OGT: variants seen among roughly 807,000 people sequenced by gnomAD.
The protein encoded by OGT is O-linked N-acetylglucosamine (GlcNAc) transferase, also known as UDP-N-acetylglucosamine--peptide N-acetylglucosaminyltransferase 110 kDa subunit.
A neutral mutation model predicts 75.8 loss-of-function variants in OGT; 3 were observed. The observed-to-expected ratio is 0.04, with a 90% CI of 0.02 to 0.10. The LOEUF (loss-of-function observed/expected upper bound fraction) is 0.10, where lower values mean the gene tolerates loss of function less well. Ranked by LOEUF, OGT falls within the 10% of genes least tolerant of loss-of-function variation. OGT has a pLI of 1.00. For missense variants in OGT, 260 were observed against 824.4 expected (o/e 0.32, Z 8.38); for synonymous variants, 257 against 289.7 (o/e 0.89, Z 1.15).
chrX:71,562,705 G>A (rs922336070), intron 15 of OGT, 142 bp from the exon 16 acceptor site: 2 of 479,411 alleles, frequency 4.2e-6, no homozygotes, highest in African/African-American at 4.9e-5. Flanking sequence ...GGCACCTTTA[G>A]GTTCTTTTTT....
chrX:71,549,206 G>A (rs1453958227), intron 5 of OGT, among the ~76,000 whole-genome samples: 1 of 104,309 alleles, frequency 9.6e-6, no homozygotes, highest in Non-Finnish European at 2.0e-5. Context: ...TGAGGTGGGA[G>A]GATTGCTTGG....
intron 21 of OGT, among the ~76,000 whole-genome samples, chrX:71,572,639 T>C (rs985368044): frequency 8.1e-5 from 9 of 111,481 alleles, no homozygotes; most frequent in Non-Finnish European, 1.5e-4. Context: ...TGGTGATGCG[T>C]GCCTGTAGTC....
At chrX:71,569,578 C>T (rs865790874) in intron 21 of OGT, among the ~76,000 whole-genome samples, 1 of 110,418 alleles carries the variant, frequency 9.1e-6, no homozygotes, top group Non-Finnish European at 1.9e-5. Flanking sequence ...GCAGCCTCCA[C>T]GTCCTGGGCT....
chrX:71,564,671 G>A lies in OGT; in HGVS notation c.2507G>A (p.Gly836Glu). 8.3e-7 allele frequency: 1 copy of A among 1,197,996 alleles called. No homozygotes were observed. Among genetic ancestry groups the A allele is most frequent in the Non-Finnish European group, 1.1e-6 (1 of 883,413 alleles). ...ATTGTAACCACCCGTTCTCAGTACG[G>A]GTTACCAGAAGATGCCATCGTATAC... ...TIIVTTRSQYGLPEDAIVYCN... is the reference protein window; with the variant it reads ...TIIVTTRSQYELPEDAIVYCN... Residue 836 changes from glycine (G) to glutamate (E), a missense_variant, in exon 19 of 22, where the codon GGG (glycine) becomes GAG (glutamate). Transcript: ENST00000373719.
chrX:71,549,047 G>A (rs992972412), intron 5 of OGT, among the ~76,000 whole-genome samples: 4 of 110,295 alleles, frequency 3.6e-5, no homozygotes, highest in African/African-American at 1.3e-4. Context: ...GCTCACATCT[G>A]TGATCCCAGT....
chrX:71,575,338 T>A lies in OGT; in HGVS notation c.*1544T>A, dbSNP rs1276017338. The A allele has an allele frequency of 1.8e-5, 2 of 112,555 alleles. No individual in the cohort carries two copies. The highest frequency in any genetic ancestry group is 3.8e-5 in the Non-Finnish European group (2 of 53,287). The allele number at this position is 112,555 out of a possible 1,213,427, so 9.3% of individuals were successfully genotyped here. On this transcript the variant is annotated 3_prime_UTR_variant, in exon 22 of 22. Transcript: ENST00000373719. The stretch of plus-strand genomic sequence containing the variant: ...ATTGATTAATAAGAACTTGAATTTC[T>A]GGAAGATTCTTACTGTTAACCAAAT...
chrX:71,539,258 A>G (rs1192596555), intron 3 of OGT, among the ~76,000 whole-genome samples: 2 of 113,035 alleles, frequency 1.8e-5, no homozygotes, highest in East Asian at 2.7e-4. Flanking sequence ...AGTTTGTTCA[A>G]AGATCCGAAG....
In OGT at chrX:71,536,170, TTC is replaced by T; in HGVS notation, c.38-5_38-4del. The T allele has an allele frequency of 8.5e-7, 1 of 1,181,318 alleles. No individual in the cohort carries two copies. Among genetic ancestry groups the T allele is most frequent in the Non-Finnish European group, 1.1e-6 (1 of 880,332 alleles). On this transcript the variant is annotated splice_polypyrimidine_tract_variant and splice_region_variant and intron_variant, in intron 1 of 21. Coordinates refer to ENST00000373719, the MANE Select transcript of OGT (RefSeq NM_181672.3). ...CTCCTTCCCTCAAATGTTTTGATGA[TTC>T]TCCAGAACCAACGAAACGTATGCTT...
intron 5 of OGT, among the ~76,000 whole-genome samples, chrX:71,550,997 G>A (rs997889208): frequency 9.0e-6 from 1 of 111,281 alleles, no homozygotes; most frequent in Admixed American, 9.6e-5. Flanking sequence ...GGTGACCACA[G>A]TTGTTAATAA....
At chrX:71,536,139 TCCCCCCTCC>T in intron 1 of OGT, 30 bp from the exon 2 acceptor site, 1 of 1,127,364 alleles carries the variant, frequency 8.9e-7, no homozygotes, top group Non-Finnish European at 1.2e-6. Flanking sequence ...CTTTTTGTTT[TCCCCCCTCC>T]TTCCCTCAAA....
chrX:71,534,884 G>GC (rs2040164144), intron 1 of OGT, among the ~76,000 whole-genome samples: 1 of 111,853 alleles, frequency 8.9e-6, no homozygotes, highest in Admixed American at 9.5e-5. Context: ...AGATGTGGAT[G>GC]CAAGTCTCAA....
intron 3 of OGT, 149 bp from the exon 4 acceptor site, chrX:71,544,418 G>C (rs2040245660): frequency 6.1e-6 from 3 of 488,373 alleles, no homozygotes. Flanking sequence ...TTGTGGATGA[G>C]GGGTTGTGGT....
intron 21 of OGT, among the ~76,000 whole-genome samples, chrX:71,571,858 C>T (rs901604718): frequency 2.7e-5 from 3 of 109,998 alleles, no homozygotes; most frequent in African/African-American, 9.9e-5. Flanking sequence ...CAGCCTCTGC[C>T]TCCTGGGTTC....
At chrX:71,550,449 T>C (rs983568838) in intron 5 of OGT, among the ~76,000 whole-genome samples, 3 of 111,415 alleles carry the variant, frequency 2.7e-5, no homozygotes, top group Admixed American at 1.9e-4. Context: ...AGTGGCGCCA[T>C]AATAGCTCAC....
intron 19 of OGT, among the ~76,000 whole-genome samples, chrX:71,567,110 G>T (rs1420453648): frequency 2.7e-5 from 3 of 112,542 alleles, no homozygotes; most frequent in Non-Finnish European, 5.6e-5. Flanking sequence ...TTGCTATCTG[G>T]CCCTTTACAG....
At chrX:71,569,705 A>G (rs1350723107) in intron 21 of OGT, among the ~76,000 whole-genome samples, 1 of 109,095 alleles carries the variant, frequency 9.2e-6, no homozygotes, top group Non-Finnish European at 1.9e-5. Context: ...TTAAGTTTCA[A>G]TATGTTGCCC....
At chrX:71,559,766 T>A in intron 14 of OGT, 89 bp downstream of exon 14, 1 of 672,055 alleles carries the variant, frequency 1.5e-6, no homozygotes, top group Non-Finnish European at 2.3e-6. Flanking sequence ...TGATAAGTAT[T>A]AAATGCTGTA....
At chrX:71,539,798 C>T (rs766986977) in intron 3 of OGT, among the ~76,000 whole-genome samples, 1 of 111,799 alleles carries the variant, frequency 8.9e-6, no homozygotes, top group African/African-American at 3.3e-5. Flanking sequence ...TGATTCTACT[C>T]TTATTGATAG....
chrX:71,569,005 G>A (rs1346201277), intron 21 of OGT, among the ~76,000 whole-genome samples: 1 of 111,835 alleles, frequency 8.9e-6, no homozygotes, highest in Non-Finnish European at 1.9e-5. Context: ...AATTGGTACA[G>A]CCCTTCCTCA....
Sources: gnomAD v4.1 joint callset for allele counts (sites outside exome capture counted in the v4.1 genomes callset) on GRCh38, gnomAD v4.1.1 for gene constraint, MANE v1.5 for transcripts, NCBI Gene and HGNC (gene_info 2026-07-23, HGNC 2026-07-21) for gene names.